NRXN3: variants seen among roughly 807,000 people sequenced by gnomAD.
NRXN3 encodes the protein neurexin III.
Under a neutral mutation model 137.6 loss-of-function variants are expected in NRXN3, and 32 were observed. That is an observed-to-expected ratio of 0.23 (90% confidence interval 0.18 to 0.31). The LOEUF (loss-of-function observed/expected upper bound fraction) is 0.31, where lower values mean the gene tolerates loss of function less well. Among genes scored for constraint, NRXN3 ranks in the 10% least tolerant of loss-of-function variants. The pLI is 1.00. For missense variants in NRXN3, 1,574 were observed against 2,062.5 expected, an observed-to-expected ratio of 0.76 and a Z score of 4.59; for synonymous variants, 798 against 784.5, an observed-to-expected ratio of 1.02 and a Z score of -0.29.
Position 79,581,759 on chromosome 14 carries a change from G to A in NRXN3, c.3445-82019G>A, listed in dbSNP as rs527744784. Among the ~76,000 whole-genome samples, 14 of 152,104 alleles carry A rather than the reference G, an allele frequency of 9.2e-5. No homozygotes were observed. In the South Asian group the frequency reaches 2.7e-3, roughly 29 times the overall value. On this transcript the variant is annotated intron_variant, in intron 16 of 20. Transcript: ENST00000335750. ...GTTAGTTTTCTTTGTGTATGTGATCGTTTACGTGGTCGTTTTGTTTCTCAC... is the reference window on the plus strand; with the variant it reads ...GTTAGTTTTCTTTGTGTATGTGATCATTTACGTGGTCGTTTTGTTTCTCAC...
intron 1 of NRXN3, among the ~76,000 whole-genome samples, chr14:78,184,753 C>T (rs1342226911): frequency 6.6e-6 from 1 of 152,178 alleles, no homozygotes; most frequent in Non-Finnish European, 1.5e-5. Flanking sequence ...GATGACTTGT[C>T]CAGGGACACA....
intron 16 of NRXN3, among the ~76,000 whole-genome samples, chr14:79,557,252 T>A (rs2097439312): frequency 1.3e-5 from 2 of 151,594 alleles, no homozygotes; most frequent in African/African-American, 2.4e-5. Context: ...ATTAATACAT[T>A]CAGGCTGCTG....
intron 4 of NRXN3, among the ~76,000 whole-genome samples, chr14:78,528,010 C>T (rs1431195106): frequency 6.6e-6 from 1 of 152,182 alleles, no homozygotes; most frequent in Non-Finnish European, 1.5e-5. Context: ...TTAGCATATC[C>T]ATGAGTGTGT....
intron 10 of NRXN3, among the ~76,000 whole-genome samples, chr14:78,817,400 G>A (rs572659646): frequency 9.8e-5 from 15 of 152,336 alleles, no homozygotes; most frequent in African/African-American, 3.6e-4. Context: ...ATCAAAGGAA[G>A]AAGCAGAGGA....
intron 8 of NRXN3, among the ~76,000 whole-genome samples, chr14:78,787,814 A>G (rs768760678): frequency 5.3e-5 from 8 of 152,206 alleles, no homozygotes; most frequent in Non-Finnish European, 8.8e-5. Context: ...TCAAAGAAAT[A>G]TAAAAGATTT....
intron 15 of NRXN3, among the ~76,000 whole-genome samples, chr14:79,041,638 A>G (rs1382280565): frequency 1.3e-5 from 2 of 152,176 alleles, no homozygotes; most frequent in South Asian, 4.1e-4. Flanking sequence ...CCTCTTCTTG[A>G]GAGTTTCAGT....
chr14:79,642,649 A>T (rs372972337), intron 16 of NRXN3, among the ~76,000 whole-genome samples: 2 of 134,852 alleles, frequency 1.5e-5, no homozygotes, highest in African/African-American at 4.9e-5. Flanking sequence ...TTAGTACACC[A>T]TGTATATAAT....
chr14:78,315,771 C>A (rs1349443037), intron 4 of NRXN3, among the ~76,000 whole-genome samples: 1 of 151,916 alleles, frequency 6.6e-6, no homozygotes, highest in African/African-American at 2.4e-5. Flanking sequence ...TTTTTTTCCT[C>A]TTTATCGTCT....
At chr14:78,780,650 G>C (rs1372842124) in intron 8 of NRXN3, among the ~76,000 whole-genome samples, 1 of 152,058 alleles carries the variant, frequency 6.6e-6, no homozygotes, top group African/African-American at 2.4e-5. Context: ...ATATGAATAA[G>C]CAAATGACAG....
chr14:78,726,738 C>T (rs961993687), intron 8 of NRXN3, among the ~76,000 whole-genome samples: 4 of 151,714 alleles, frequency 2.6e-5, no homozygotes, highest in South Asian at 2.1e-4. Context: ...AGGCTGGTCT[C>T]GAACTTGTGA....
chr14:78,269,955 C>T (rs746521680), intron 2 of NRXN3, among the ~76,000 whole-genome samples: 1 of 152,196 alleles, frequency 6.6e-6, no homozygotes, highest in African/African-American at 2.4e-5. Context: ...TGATTGCCAG[C>T]CTCAATGACT....
chr14:78,375,903 G>A lies in NRXN3; in HGVS notation c.757+78043G>A, dbSNP rs886394768. Reference sequence around the variant, plus strand: ...GGTCCCCAGCTTTTCCCCTTCTCATGACTCCCAAGGAACCCTAAAAAGGAT... The same window carrying A: ...GGTCCCCAGCTTTTCCCCTTCTCATAACTCCCAAGGAACCCTAAAAAGGAT... On this transcript the variant is annotated intron_variant, in intron 4 of 20. Transcript: ENST00000335750. 5.3e-5 allele frequency among the ~76,000 whole-genome samples: 8 copies of A among 152,026 alleles called. 1 individual carries two copies. Among genetic ancestry groups the A allele is most frequent in the Non-Finnish European group, 2.9e-5 (2 of 68,008 alleles).
At position 79,825,879 on chromosome 14, in the gene NRXN3, A is replaced by T. The variant is rs570723982; in HGVS notation, c.4093+20689A>T. ...CTGATGTAAAAGTAACTGTAGTTATAGATCCTCCAGCACATGTCACACTGA... is the reference window on the plus strand; with the variant it reads ...CTGATGTAAAAGTAACTGTAGTTATTGATCCTCCAGCACATGTCACACTGA... On this transcript the variant is annotated intron_variant, in intron 20 of 20. Transcript: ENST00000335750. Among the ~76,000 whole-genome samples the T allele has an allele frequency of 2.6e-5, 4 of 152,366 alleles. No homozygotes were observed. The South Asian group carries it at 6.2e-4, about 24-fold the overall frequency.
chr14:79,538,516 A>G (rs943123594), intron 16 of NRXN3, among the ~76,000 whole-genome samples: 2 of 152,292 alleles, frequency 1.3e-5, no homozygotes, highest in South Asian at 2.1e-4. Flanking sequence ...AGCTTTCTAC[A>G]TATGGCTAGC....
chr14:78,250,593 C>A (rs182093523), intron 2 of NRXN3, among the ~76,000 whole-genome samples: 1 of 152,292 alleles, frequency 6.6e-6, no homozygotes, highest in East Asian at 1.9e-4. Flanking sequence ...AGGGCTCTGC[C>A]GGCAAACGTG....
intron 1 of NRXN3, among the ~76,000 whole-genome samples, chr14:78,204,208 T>C (rs2061969209): frequency 6.6e-6 from 1 of 152,156 alleles, no homozygotes; most frequent in African/African-American, 2.4e-5. Flanking sequence ...CCCTTTATAA[T>C]GTATTTTTGC....
intron 8 of NRXN3, among the ~76,000 whole-genome samples, chr14:78,716,777 A>C (rs2098436104): frequency 6.6e-6 from 1 of 152,248 alleles, no homozygotes; most frequent in South Asian, 2.1e-4. Flanking sequence ...CAGTCAGATC[A>C]GAAATAGAAT....
At chr14:79,319,359 C>T (rs577098182) in intron 15 of NRXN3, among the ~76,000 whole-genome samples, 7 of 152,254 alleles carry the variant, frequency 4.6e-5, no homozygotes, top group African/African-American at 1.7e-4. Flanking sequence ...AAACTACACC[C>T]CCCTGAGCAT....
At chr14:79,349,545 T>C (rs202154136) in intron 15 of NRXN3, among the ~76,000 whole-genome samples, 51 of 137,696 alleles carry the variant, frequency 3.7e-4, no homozygotes, top group African/African-American at 1.1e-3. Context: ...GAAAAAAAAA[T>C]ACACACACAC....
Sources: allele counts gnomAD v4.1 joint callset (sites outside exome capture counted in the v4.1 genomes callset), GRCh38; gene constraint gnomAD v4.1.1; transcripts MANE v1.5; gene names NCBI Gene and HGNC (gene_info 2026-07-23, HGNC 2026-07-21).